Variants in HEG1 observed in about 807,000 individuals in gnomAD.
The protein encoded by HEG1 is protein HEG homolog 1.
A neutral mutation model predicts 125.6 loss-of-function variants in HEG1; 56 were observed. The observed-to-expected ratio is 0.45, with a 90% CI of 0.36 to 0.56. The LOEUF is 0.56. Among genes scored for constraint, HEG1 ranks in the 20% least tolerant of loss-of-function variants. HEG1 has a pLI of 0.00. For synonymous variants in HEG1, 644 were observed against 668.5 expected (o/e 0.96, Z 0.57); for missense variants, 1,523 against 1,670.0 (o/e 0.91, Z 1.53).
chr3:124,996,498 T>C (rs1018363605), intron 12 of HEG1, among the ~76,000 whole-genome samples: 6 of 152,150 alleles, frequency 3.9e-5, no homozygotes, highest in African/African-American at 1.4e-4. Context: ...CACTGAGACA[T>C]GCTGTGTCCT....
At chr3:124,975,833 C>T (rs966627141) in intron 15 of HEG1, among the ~76,000 whole-genome samples, 1 of 152,206 alleles carries the variant, frequency 6.6e-6, no homozygotes, top group Non-Finnish European at 1.5e-5. Context: ...TCAGGGTTCA[C>T]CCATGTTATA....
intron 1 of HEG1, among the ~76,000 whole-genome samples, chr3:125,051,672 C>G (rs1016382828): frequency 2.0e-5 from 3 of 152,212 alleles, no homozygotes; most frequent in African/African-American, 7.2e-5. Context: ...TTGTTGCCTC[C>G]CCAGGATTCT....
At position 125,046,660 on chromosome 3, in the gene HEG1, T is replaced by C. The variant is rs181479272; in HGVS notation, c.316+8915A>G. ...CATTTCCATCCCTTGATAATGATGT[T>C]GGATTATTTTGGAAACACAAAACTT... On this transcript the variant is annotated intron_variant, in intron 1 of 16. Transcript: ENST00000311127. Among the ~76,000 whole-genome samples the C allele has an allele frequency of 4.6e-5, 7 of 152,326 alleles. No homozygotes were observed. The East Asian group carries it at 1.2e-3, about 25-fold the overall frequency.
chr3:125,014,677 G>A, intron 5 of HEG1: 14 of 1,214,036 alleles, frequency 1.2e-5, no homozygotes, highest in Non-Finnish European at 1.5e-5. Flanking sequence ...ATGAGCTGAA[G>A]GGATGTGTTA....
At chr3:125,026,547 T>A (rs539019140) in intron 3 of HEG1, among the ~76,000 whole-genome samples, 16 of 152,318 alleles carry the variant, frequency 1.1e-4, no homozygotes, top group African/African-American at 2.9e-4. Context: ...ATATCTGCTT[T>A]TTTTTTCAAA....
At position 125,020,987 on chromosome 3, in the gene HEG1, C is replaced by G; in HGVS notation, c.1057G>C (p.Val353Leu). 6.2e-7 allele frequency: 1 copy of G among 1,613,928 alleles called. No homozygotes were observed. Among genetic ancestry groups the G allele is most frequent in the South Asian group, 1.1e-5 (1 of 91,052 alleles). The change falls in exon 4 of 17, where the codon GTG becomes CTG. Residue 353 changes from valine to leucine, a missense_variant. Transcript: ENST00000311127. ...TTGGGGAAGCCTTCTGTCTTGCTCA[C>G]AGGTCCCAGACTGACCGTCAAAGAT... The part of the protein sequence containing the change: ...LRSLTVSLGP[V>L]SKTEGFPKDS...
At chr3:125,031,689 A>C (rs910697295) in intron 1 of HEG1, among the ~76,000 whole-genome samples, 2 of 114,352 alleles carry the variant, frequency 1.7e-5, no homozygotes, top group Admixed American at 8.7e-5. Context: ...ATACACACAC[A>C]CACACCCACA....
intron 1 of HEG1, among the ~76,000 whole-genome samples, chr3:125,041,920 G>A (rs1036769741): frequency 3.2e-4 from 48 of 152,122 alleles, no homozygotes; most frequent in African/African-American, 1.1e-3. Flanking sequence ...GACAGAAAGC[G>A]GAATAAAGGT....
At chr3:125,014,772 T>C (rs1937217926) in intron 5 of HEG1, 1 of 1,289,432 alleles carries the variant, frequency 7.8e-7, no homozygotes, top group African/African-American at 1.5e-5. Flanking sequence ...GTCCGTCACG[T>C]TTACGTGCAG....
At chr3:124,978,489 T>C (rs1319052312) in intron 14 of HEG1, among the ~76,000 whole-genome samples, 1 of 152,200 alleles carries the variant, frequency 6.6e-6, no homozygotes, top group African/African-American at 2.4e-5. Flanking sequence ...TGGTGGCTCC[T>C]AACTTTTACC....
intron 3 of HEG1, among the ~76,000 whole-genome samples, chr3:125,022,016 T>C (rs1937342823): frequency 6.6e-6 from 1 of 152,142 alleles, no homozygotes; most frequent in East Asian, 1.9e-4. Flanking sequence ...CAGACGCTAT[T>C]GGTCAAAAGG....
chr3:125,000,510 G>T (rs1936984816), intron 11 of HEG1, among the ~76,000 whole-genome samples: 1 of 152,018 alleles, frequency 6.6e-6, no homozygotes, highest in Admixed American at 6.6e-5. Flanking sequence ...AAACCATAGA[G>T]TCTCAAAGTT....
At position 124,970,573 on chromosome 3, in the gene HEG1, C is replaced by T. The variant is rs1375210349; in HGVS notation, c.*79G>A. On this transcript the variant is annotated 3_prime_UTR_variant, in exon 17 of 17. Transcript: ENST00000311127. Reference sequence around the variant, plus strand: ...AGCGTGGCTCCCGACAAATCCTGGGCGCAGCCTCCTGGTGCGGTCCTCTGA... The same window carrying T: ...AGCGTGGCTCCCGACAAATCCTGGGTGCAGCCTCCTGGTGCGGTCCTCTGA... The T allele has an allele frequency of 4.8e-5, 65 of 1,346,616 alleles. No homozygotes were observed. The highest frequency in any genetic ancestry group is 6.3e-5 in the Non-Finnish European group (62 of 982,744). The allele number at this position is 1,346,616 out of a possible 1,614,324, so 83.4% of individuals were successfully genotyped here. A position where few individuals can be genotyped will look rare whatever the true frequency, so the allele number is the denominator to read the frequency against.
At chr3:125,045,185 G>A (rs767192409) in intron 1 of HEG1, among the ~76,000 whole-genome samples, 2 of 152,210 alleles carry the variant, frequency 1.3e-5, no homozygotes, top group Non-Finnish European at 2.9e-5. Context: ...CTGTGCGAAT[G>A]CTGGCAGATG....
At chr3:124,982,652 C>T (rs1936674157) in intron 14 of HEG1, among the ~76,000 whole-genome samples, 1 of 152,202 alleles carries the variant, frequency 6.6e-6, no homozygotes, top group Non-Finnish European at 1.5e-5. Context: ...CTTAGCCTTT[C>T]CCCAGAGCCA....
intron 3 of HEG1, among the ~76,000 whole-genome samples, chr3:125,021,404 G>A (rs1937334100): frequency 6.6e-6 from 1 of 152,020 alleles, no homozygotes; most frequent in Non-Finnish European, 1.5e-5. Flanking sequence ...TGCATTATTT[G>A]TTTTTTAAAG....
rs11461179 is a variant in HEG1 at position 124,981,233 on chromosome 3, C to CTT, written c.3734-3289_3734-3288dup. Among the ~76,000 whole-genome samples the CTT allele has an allele frequency of 3.5e-3, 499 of 142,188 alleles. 4 individuals carry two copies. The highest frequency in any genetic ancestry group is 6.9e-3 in the African/African-American group (267 of 38,742). 93.3% of individuals were successfully genotyped at this position (142,188 alleles called of 152,430 possible). On this transcript the variant is annotated intron_variant, in intron 14 of 16. Transcript: ENST00000311127. The stretch of plus-strand genomic sequence containing the variant: ...CAACTATCATAAATTTCACTTTTTC[C>CTT]TTTTTTTTTTTTTTAAAGTTTTTTT...
chr3:125,007,216 A>AG, intron 8 of HEG1, among the ~76,000 whole-genome samples: 1 of 151,534 alleles, frequency 6.6e-6, no homozygotes, highest in African/African-American at 2.4e-5. Flanking sequence ...AAAAAAAAAA[A>AG]AAAAGAAATT....
rs576879868 is a variant in HEG1, at chr3:125,047,666, A to G, written c.316+7909T>C. Among the ~76,000 whole-genome samples the G allele has an allele frequency of 5.3e-5, 8 of 152,332 alleles. No homozygotes were observed. In the South Asian group the frequency reaches 1.7e-3, roughly 32 times the overall value. ...GTTGCAGGAGTGAAACCCGTCCCCAAGTTGAAGCTGTTTCCATCTCCTATC... is the reference window on the plus strand; with the variant it reads ...GTTGCAGGAGTGAAACCCGTCCCCAGGTTGAAGCTGTTTCCATCTCCTATC... On this transcript the variant is annotated intron_variant, in intron 1 of 16. Transcript: ENST00000311127.
Sources: allele counts gnomAD v4.1 joint callset (sites outside exome capture counted in the v4.1 genomes callset), GRCh38; gene constraint gnomAD v4.1.1; transcripts MANE v1.5; gene names NCBI Gene and HGNC (gene_info 2026-07-23, HGNC 2026-07-21).